ZFR: variants seen among roughly 807,000 people sequenced by gnomAD.
The protein encoded by ZFR is zinc finger RNA-binding protein.
A neutral mutation model predicts 130.7 loss-of-function variants in ZFR; 19 were observed. The observed-to-expected ratio is 0.15, with a 90% CI of 0.10 to 0.21. The LOEUF is 0.21. Among genes scored for constraint, ZFR ranks in the 10% least tolerant of loss-of-function variants. The pLI, the probability that ZFR is intolerant of heterozygous loss-of-function variation, is 1.00. For synonymous variants in ZFR, 466 were observed against 456.9 expected, an observed-to-expected ratio of 1.02 and a Z score of -0.25; for missense variants, 872 against 1,321.5, an observed-to-expected ratio of 0.66 and a Z score of 5.27.
intron 2 of ZFR, among the ~76,000 whole-genome samples, chr5:32,436,187 C>T (rs921640878): frequency 7.7e-5 from 9 of 116,660 alleles, no homozygotes; most frequent in East Asian, 2.8e-4. Context: ...CTCGCTCTGT[C>T]GCCCAGGCTG....
chr5:32,395,108 T>C, intron 11 of ZFR, 51 bp downstream of exon 11: 1 of 1,498,324 alleles, frequency 6.7e-7, no homozygotes, highest in Non-Finnish European at 8.9e-7. Flanking sequence ...TGGCTAAGTT[T>C]TTAAGAAAGG....
At chr5:32,377,237 CT>C (rs1483264099) in intron 17 of ZFR, among the ~76,000 whole-genome samples, 15 of 150,800 alleles carry the variant, frequency 9.9e-5, no homozygotes, top group Admixed American at 4.6e-4. Flanking sequence ...TCTCTCTCCT[CT>C]CTCTCTTTCT....
intron 15 of ZFR, chr5:32,380,373 T>C: frequency 2.3e-6 from 1 of 434,018 alleles, no homozygotes; most frequent in Middle Eastern, 6.4e-4. Flanking sequence ...TTTAGTAATA[T>C]AATAAACAAT....
intron 15 of ZFR, chr5:32,383,746 A>G (rs1052339866): frequency 5.3e-5 from 24 of 456,586 alleles, no homozygotes; most frequent in Non-Finnish European, 9.7e-5. Flanking sequence ...AGCTGCAGTG[A>G]GAGAGAATAC....
At chr5:32,403,537 C>A in intron 7 of ZFR, 140 bp from the exon 8 acceptor site, 1 of 1,016,584 alleles carries the variant, frequency 9.8e-7, no homozygotes, top group Non-Finnish European at 1.4e-6. Context: ...TATATACACA[C>A]ATATACAAAA....
chr5:32,427,374 C>CAAAA (rs540663022), intron 2 of ZFR, among the ~76,000 whole-genome samples: 17 of 66,472 alleles, frequency 2.6e-4, no homozygotes, highest in African/African-American at 9.8e-4. Context: ...GACTCTGTCT[C>CAAAA]AAAAAAAAAA....
rs142377235 is a variant in ZFR at position 32,368,339 on chromosome 5, G to T, written c.2836-4064C>A. On this transcript the variant is annotated intron_variant, in intron 17 of 19. Coordinates refer to ENST00000265069, the MANE Select transcript of ZFR (RefSeq NM_016107.5). ...CAACCTCCACCTCCCAGGTTCAAGC[G>T]GTTCTCTTGCCTCCGCCTCCCAAGT... Among the ~76,000 whole-genome samples the T allele has an allele frequency of 4.8e-3, 725 of 152,296 alleles. 5 individuals carry two copies. Among genetic ancestry groups the T allele is most frequent in the Middle Eastern group, 0.02 (6 of 294 alleles).
chr5:32,431,543 G>C (rs577749541), intron 2 of ZFR, among the ~76,000 whole-genome samples: 1 of 152,264 alleles, frequency 6.6e-6, no homozygotes, highest in South Asian at 2.1e-4. Flanking sequence ...TCGTACCTTA[G>C]AAAACATACT....
At chr5:32,428,212 G>C (rs571024337) in intron 2 of ZFR, among the ~76,000 whole-genome samples, 11 of 152,170 alleles carry the variant, frequency 7.2e-5, no homozygotes, top group African/African-American at 2.7e-4. Flanking sequence ...TCAGGAGTTC[G>C]AGACCAGTCT....
rs747236550 is a variant in ZFR, at chr5:32,355,794, C to T, written c.3191G>A (p.Gly1064Glu). Residue 1064 changes from glycine to glutamate, a missense_variant, in exon 20 of 20, where the codon GGG becomes GAG. Gly to Glu is a moderately conservative substitution (Grantham distance 98). This residue lies in a region of ZFR where 158 missense variants were observed against 264.0 expected (regional missense o/e 0.60). Transcript: ENST00000265069. ...ATCATAATCTTTTTTGTCTTTTTTC[C>T]CCTCAGCTTCAAATCCATCAACTCC... is the stretch of plus-strand genomic sequence containing the variant. The part of the protein sequence containing the change: ...SDGVDGFEAE[G>E]KKDKKDYDNF The T allele has an allele frequency of 6.3e-7, 1 of 1,589,192 alleles. No homozygotes were observed. The highest frequency in any genetic ancestry group is 8.5e-7 in the Non-Finnish European group (1 of 1,171,850).
intron 2 of ZFR, among the ~76,000 whole-genome samples, chr5:32,436,293 C>T (rs531582258): frequency 4.0e-5 from 6 of 151,572 alleles, no homozygotes; most frequent in African/African-American, 1.2e-4. Flanking sequence ...GGACTACAGG[C>T]GCCCACCACC....
chr5:32,444,088 G>A, intron 2 of ZFR, 141 bp downstream of exon 2: 1 of 750,288 alleles, frequency 1.3e-6, no homozygotes, highest in Non-Finnish European at 1.7e-6. Context: ...GGCGGGAGAG[G>A]CCGCCGGGCT....
At chr5:32,397,123 CTG>C in intron 10 of ZFR, 94 bp downstream of exon 10, 1 of 1,388,234 alleles carries the variant, frequency 7.2e-7, no homozygotes. Context: ...ACTTGGCAAG[CTG>C]TGTTTAGATG....
At chr5:32,379,298 A>T in intron 16 of ZFR, 88 bp from the exon 17 acceptor site, 1 of 1,123,468 alleles carries the variant, frequency 8.9e-7, no homozygotes, top group East Asian at 2.4e-5. Context: ...ACCACCGTTC[A>T]ATGGAAGCTC....
intron 17 of ZFR, among the ~76,000 whole-genome samples, chr5:32,370,635 C>T (rs1192780795): frequency 6.6e-6 from 1 of 152,166 alleles, no homozygotes; most frequent in Non-Finnish European, 1.5e-5. Flanking sequence ...CCTTGGCTTC[C>T]TAAAGTGCTG....
chr5:32,375,608 T>C lies in ZFR; in HGVS notation c.2835+3507A>G, dbSNP rs188900212. ...CACTGTAGACTTGACCTGGGCTCAA[T>C]AGATCTTCCCACTTCAGTCTCTCCA... On this transcript the variant is annotated intron_variant, in intron 17 of 19. Coordinates refer to ENST00000265069, the MANE Select transcript of ZFR (RefSeq NM_016107.5). 4.9e-4 allele frequency among the ~76,000 whole-genome samples: 74 copies of C among 151,624 alleles called. 1 individual carries two copies. The highest frequency in any genetic ancestry group is 1.6e-3 in the African/African-American group (66 of 41,332).
rs922172098 is a variant in ZFR at position 32,354,972 on chromosome 5, T to A, written c.*788A>T. ...AAAGATCTACGTGTTAAACCTAAAATTATGATTTTAAAAGTCTATTAAAAA... is the reference window on the plus strand; with the variant it reads ...AAAGATCTACGTGTTAAACCTAAAAATATGATTTTAAAAGTCTATTAAAAA... On this transcript the variant is annotated 3_prime_UTR_variant, in exon 20 of 20. Coordinates refer to ENST00000265069, the MANE Select transcript of ZFR (RefSeq NM_016107.5). The A allele has an allele frequency of 6.6e-6, 1 of 152,236 alleles. No homozygotes were observed. Among genetic ancestry groups the A allele is most frequent in the African/African-American group, 2.4e-5 (1 of 41,452 alleles). 9.4% of individuals were successfully genotyped at this position (152,236 alleles called of 1,614,324 possible). A position where few individuals can be genotyped will look rare whatever the true frequency, so the allele number is the denominator to read the frequency against.
At chr5:32,405,468 T>C (rs193019116) in intron 6 of ZFR, among the ~76,000 whole-genome samples, 33 of 152,346 alleles carry the variant, frequency 2.2e-4, no homozygotes, top group Admixed American at 2.2e-3. Flanking sequence ...GTTCTTTTTG[T>C]TAACCACCCA....
At chr5:32,424,840 C>A (rs1258885297) in intron 2 of ZFR, among the ~76,000 whole-genome samples, 1 of 152,020 alleles carries the variant, frequency 6.6e-6, no homozygotes, top group African/African-American at 2.4e-5. Context: ...AGAAGATAAA[C>A]TATGATTACA....
Sources: allele counts gnomAD v4.1 joint callset (sites outside exome capture counted in the v4.1 genomes callset), GRCh38; gene constraint gnomAD v4.1.1; regional missense constraint gnomAD v4.1.1; transcripts MANE v1.5; gene names NCBI Gene and HGNC (gene_info 2026-07-23, HGNC 2026-07-21).